NRBF2: variants seen among roughly 807,000 people sequenced by gnomAD.
NRBF2 encodes the protein nuclear receptor-binding factor 2.
In NRBF2, 12 loss-of-function variants were observed where a neutral mutation model predicts 28.5. The observed-to-expected ratio is 0.42, with a 90% CI of 0.27 to 0.68. NRBF2 has a LOEUF of 0.68. Ranked by LOEUF, NRBF2 falls within the 30% of genes least tolerant of loss-of-function variation. The pLI, the probability that NRBF2 is intolerant of heterozygous loss-of-function variation, is 0.24. For synonymous variants in NRBF2, 102 were observed against 116.5 expected, an observed-to-expected ratio of 0.88 and a Z score of 0.80; for missense variants, 274 against 333.5, an observed-to-expected ratio of 0.82 and a Z score of 1.39.
chr10:63,150,381 G>A (rs1841629592), intron 2 of NRBF2: 2 of 979,992 alleles, frequency 2.0e-6, no homozygotes, highest in Non-Finnish European at 1.2e-6. Context: ...AGCAAAGACT[G>A]TATAACCAAC....
intron 1 of NRBF2, among the ~76,000 whole-genome samples, chr10:63,143,816 G>A (rs563140996): frequency 5.4e-5 from 8 of 147,554 alleles, no homozygotes; most frequent in East Asian, 2.0e-4. Context: ...GCAGTGGTGC[G>A]ATCACAGGTC....
chr10:63,135,647 CTT>C (rs763603312), intron 1 of NRBF2, among the ~76,000 whole-genome samples: 4,759 of 129,264 alleles, frequency 0.037, 204 homozygotes, highest in East Asian at 0.27. Flanking sequence ...ATCTTGAATT[CTT>C]TTTTTTTTTT....
chr10:63,143,513 A>AATG (rs920261854), intron 1 of NRBF2, among the ~76,000 whole-genome samples: 58 of 151,894 alleles, frequency 3.8e-4, no homozygotes, highest in African/African-American at 1.4e-3. Context: ...GCTGAAGTGT[A>AATG]ATGGTGCGAT....
In NRBF2 at chr10:63,143,949, G is replaced by A. The variant is rs550477829; in HGVS notation, c.31-2260G>A. ...ATTTTTGTATTTTTTGTAGAGATGG[G>A]TTTTCACCATATTGCCCAGGCTTGT... On this transcript the variant is annotated intron_variant, in intron 1 of 3. Transcript: ENST00000277746. Among the ~76,000 whole-genome samples the A allele has an allele frequency of 9.2e-4, 140 of 151,648 alleles. 3 individuals carry two copies. The South Asian group carries it at 0.028, about 31-fold the overall frequency.
At position 63,154,132 on chromosome 10, in the gene NRBF2, A is replaced by C; in HGVS notation, c.778A>C (p.Asn260His). 1 of 1,613,830 alleles carries C rather than the reference A, an allele frequency of 6.2e-7. No individual in the cohort carries two copies. Among genetic ancestry groups the C allele is most frequent in the Non-Finnish European group, 8.5e-7 (1 of 1,179,772 alleles). ...TGKAKDIPIP[N>H]LPPLDFPSPE... ...GAAAGCCAAGGACATTCCAATCCCC[A>C]ATCTTCCTCCCTTGGATTTTCCATC... Residue 260 changes from asparagine to histidine, a missense_variant, in exon 4 of 4, where the codon AAT (asparagine) becomes CAT (histidine). Physicochemically the swap from Asn to His is moderately conservative, Grantham distance 68 (BLOSUM62 1). Coordinates refer to ENST00000277746, the MANE Select transcript of NRBF2 (RefSeq NM_030759.5).
intron 1 of NRBF2, among the ~76,000 whole-genome samples, chr10:63,142,780 CTTTTTTT>C (rs781293012): frequency 1.3e-4 from 10 of 74,940 alleles, no homozygotes; most frequent in South Asian, 6.1e-4. Flanking sequence ...TTCTTTCTTT[CTTTTTTT>C]TTTTTTTTTT....
At chr10:63,152,752 T>A (rs932725277) in intron 3 of NRBF2, among the ~76,000 whole-genome samples, 2 of 152,210 alleles carry the variant, frequency 1.3e-5, no homozygotes, top group Non-Finnish European at 2.9e-5. Flanking sequence ...ATCCCAGCAC[T>A]TTGGGAGGCC....
intron 2 of NRBF2, among the ~76,000 whole-genome samples, chr10:63,150,909 T>C (rs1400217119): frequency 6.6e-6 from 1 of 152,148 alleles, no homozygotes; most frequent in East Asian, 1.9e-4. Context: ...TATGAGAAGC[T>C]AATGCCGCTG....
At chr10:63,143,099 G>T (rs1390377553) in intron 1 of NRBF2, among the ~76,000 whole-genome samples, 1 of 152,016 alleles carries the variant, frequency 6.6e-6, no homozygotes, top group Non-Finnish European at 1.5e-5. Flanking sequence ...CATTTCTTGT[G>T]ACCTATTGTT....
chr10:63,136,091 A>G (rs959639597), intron 1 of NRBF2, among the ~76,000 whole-genome samples: 2 of 151,252 alleles, frequency 1.3e-5, no homozygotes, highest in African/African-American at 4.9e-5. Context: ...TGTCACTCAC[A>G]GTTTTATAAG....
intron 1 of NRBF2, among the ~76,000 whole-genome samples, chr10:63,144,095 A>G (rs1372866121): frequency 2.6e-5 from 4 of 152,038 alleles, no homozygotes. Context: ...AAAACACGTG[A>G]AGTTTACCTT....
chr10:63,145,321 G>A (rs896262497), intron 1 of NRBF2, among the ~76,000 whole-genome samples: 3 of 151,930 alleles, frequency 2.0e-5, no homozygotes, highest in Non-Finnish European at 2.9e-5. Context: ...TGATCTGCCC[G>A]CCTCGGCCTC....
chr10:63,148,497 T>G (rs972248845), intron 2 of NRBF2, among the ~76,000 whole-genome samples: 2 of 152,120 alleles, frequency 1.3e-5, no homozygotes, highest in Non-Finnish European at 2.9e-5. Flanking sequence ...TTTAGAGATG[T>G]GACAAGGAAA....
At chr10:63,147,612 T>G (rs1841582843) in intron 2 of NRBF2, among the ~76,000 whole-genome samples, 1 of 27,824 alleles carries the variant, frequency 3.6e-5, no homozygotes, top group Non-Finnish European at 8.5e-5. Flanking sequence ...GCTCTCAGCC[T>G]TTTTTTTTTT....
intron 1 of NRBF2, among the ~76,000 whole-genome samples, chr10:63,145,101 C>CTTTTTTTTT (rs34823556): frequency 4.7e-5 from 4 of 85,902 alleles, no homozygotes; most frequent in East Asian, 4.2e-4. Context: ...TATATTAAAG[C>CTTTTTTTTT]TTTTTTTTTT....
At chr10:63,139,831 C>T (rs986041923) in intron 1 of NRBF2, among the ~76,000 whole-genome samples, 3 of 152,060 alleles carry the variant, frequency 2.0e-5, no homozygotes, top group Non-Finnish European at 2.9e-5. Flanking sequence ...GGTATCCAGA[C>T]GACAAGGTAA....
At chr10:63,147,601 T>G (rs1429348242) in intron 2 of NRBF2, among the ~76,000 whole-genome samples, 2 of 146,864 alleles carry the variant, frequency 1.4e-5, no homozygotes, top group African/African-American at 5.0e-5. Context: ...CGTTAGCCAC[T>G]GCTCTCAGCC....
Position 63,154,362 on chromosome 10 carries a change from A to G in NRBF2, c.*144A>G, listed in dbSNP as rs774106447. 14 of 604,746 alleles carry G rather than the reference A, an allele frequency of 2.3e-5. No individual in the cohort carries two copies. Among genetic ancestry groups the G allele is most frequent in the Non-Finnish European group, 4.0e-5 (14 of 345,982 alleles). The allele number at this position is 604,746 out of a possible 1,614,324, so 37.5% of individuals were successfully genotyped here. On this transcript the variant is annotated 3_prime_UTR_variant, in exon 4 of 4. Transcript: ENST00000277746. Reference sequence around the variant, plus strand: ...GGACTGTGGGAGCAGAGGCATTGCCAGGACTTGGGAAACAGTCACTGTGAA... The same window carrying G: ...GGACTGTGGGAGCAGAGGCATTGCCGGGACTTGGGAAACAGTCACTGTGAA...
intron 3 of NRBF2, among the ~76,000 whole-genome samples, chr10:63,152,479 A>G (rs1014397127): frequency 5.3e-5 from 8 of 152,200 alleles, no homozygotes; most frequent in African/African-American, 1.9e-4. Flanking sequence ...ATTCCTAATC[A>G]TTAGCTCTTA....
Sources: allele counts gnomAD v4.1 joint callset (sites outside exome capture counted in the v4.1 genomes callset), GRCh38; gene constraint gnomAD v4.1.1; transcripts MANE v1.5; gene names NCBI Gene and HGNC (gene_info 2026-07-23, HGNC 2026-07-21).